PIK3R6: variants seen among roughly 807,000 people sequenced by gnomAD.
PIK3R6 encodes phosphoinositide 3-kinase regulatory subunit 6.
In PIK3R6, 91 loss-of-function variants were observed where a neutral mutation model predicts 84.9. That is an observed-to-expected ratio of 1.07 (90% CI 0.90 to 1.28). The LOEUF is 1.28. Ranked by LOEUF, PIK3R6 falls within the 50% of genes most tolerant of loss-of-function variation. The pLI, the probability that PIK3R6 is intolerant of heterozygous loss-of-function variation, is 0.00. For missense variants in PIK3R6, 996 were observed against 985.1 expected, an observed-to-expected ratio of 1.01 and a Z score of -0.15; for synonymous variants, 416 against 411.4, an observed-to-expected ratio of 1.01 and a Z score of -0.13.
At chr17:8,857,419 G>A (rs369482339) in intron 1 of PIK3R6, among the ~76,000 whole-genome samples, 14 of 152,176 alleles carry the variant, frequency 9.2e-5, no homozygotes, top group African/African-American at 1.4e-4. Context: ...TTCCCCTGAC[G>A]TCCGCATGCC....
intron 1 of PIK3R6, among the ~76,000 whole-genome samples, chr17:8,853,491 A>T (rs960963194): frequency 2.0e-5 from 3 of 147,376 alleles, no homozygotes; most frequent in African/African-American, 7.5e-5. Flanking sequence ...TCTCAAAAAA[A>T]AAAAAAAATA....
intron 18 of PIK3R6, among the ~76,000 whole-genome samples, chr17:8,810,463 T>G (rs566279538): frequency 6.7e-6 from 1 of 148,326 alleles, no homozygotes; most frequent in African/African-American, 2.5e-5. Context: ...CAGTCCCCTG[T>G]CTTAACTCAT....
intron 1 of PIK3R6, among the ~76,000 whole-genome samples, chr17:8,853,685 C>T (rs1427082765): frequency 3.3e-5 from 5 of 150,506 alleles, no homozygotes; most frequent in African/African-American, 9.8e-5. Flanking sequence ...AATTCTCAGC[C>T]AGGCACAGTG....
At position 8,803,008 on chromosome 17, in the gene PIK3R6, G is replaced by A. The variant is rs1888621557; in HGVS notation, c.*265C>T. On this transcript the variant is annotated 3_prime_UTR_variant, in exon 20 of 20. Transcript: ENST00000619866. This position sits in a 1 kb window ranked among gnomAD's most constrained non-coding sequence, Gnocchi z 5.0. ...AAGTGGGAATTGAAGCTAAATGAAG[G>A]AGTAGACATTTGTATGAGAAGCTGG... The A allele has an allele frequency of 2.2e-6, 1 of 463,322 alleles. No individual in the cohort carries two copies. The highest frequency in any genetic ancestry group is 2.4e-5 in the South Asian group (1 of 41,530). 28.7% of individuals were successfully genotyped at this position (463,322 alleles called of 1,614,324 possible).
intron 18 of PIK3R6, among the ~76,000 whole-genome samples, chr17:8,806,117 G>A (rs1387167827): frequency 6.6e-6 from 1 of 152,180 alleles, no homozygotes; most frequent in African/African-American, 2.4e-5. Flanking sequence ...GCAGGGGGCT[G>A]AAGTCCTGCA....
chr17:8,828,484 C>T, intron 11 of PIK3R6, 83 bp downstream of exon 11: 2 of 1,510,236 alleles, frequency 1.3e-6, no homozygotes, highest in South Asian at 1.2e-5. Context: ...CTCTTGCCAC[C>T]CTGTGATCCT....
chr17:8,830,251 C>T (rs905147116), intron 9 of PIK3R6, among the ~76,000 whole-genome samples: 6 of 152,196 alleles, frequency 3.9e-5, no homozygotes, highest in African/African-American at 1.2e-4. Context: ...CAGCTGTCGG[C>T]GATGCTGACG....
At chr17:8,848,411 A>T (rs1159499934) in intron 2 of PIK3R6, among the ~76,000 whole-genome samples, 9 of 151,584 alleles carry the variant, frequency 5.9e-5, no homozygotes, top group African/African-American at 2.2e-4. Context: ...GAAATATGTC[A>T]CGGGGCAATT....
chr17:8,837,961 G>C, intron 4 of PIK3R6, 90 bp from the exon 5 acceptor site: 1 of 1,159,260 alleles, frequency 8.6e-7, no homozygotes, highest in South Asian at 1.3e-5. Flanking sequence ...GTGGGCAGGA[G>C]ATGGGGTGGA....
rs1435117101 is a variant in PIK3R6, at chr17:8,844,174, C to A, written c.14-4477G>T. Among the ~76,000 whole-genome samples the A allele has an allele frequency of 6.6e-6, 1 of 152,194 alleles. No individual in the cohort carries two copies. Among genetic ancestry groups the A allele is most frequent in the African/African-American group, 2.4e-5 (1 of 41,450 alleles). On this transcript the variant is annotated intron_variant, in intron 2 of 19. Transcript: ENST00000619866. The surrounding 1 kb of genome is among the most constrained non-coding windows in gnomAD (Gnocchi z 4.5). ...CAAAGGTCTCCTGAGCCATCTTCAC[C>A]AGAGCACGAGAATGTCCCTCAAGGC...
intron 2 of PIK3R6, among the ~76,000 whole-genome samples, chr17:8,843,627 T>C (rs1054439879): frequency 1.3e-5 from 2 of 151,190 alleles, no homozygotes; most frequent in African/African-American, 2.4e-5. Flanking sequence ...TTTGGGCTTG[T>C]ATAGTGTCTT....
At chr17:8,843,111 G>A (rs900709441) in intron 2 of PIK3R6, among the ~76,000 whole-genome samples, 7 of 152,152 alleles carry the variant, frequency 4.6e-5, no homozygotes, top group African/African-American at 1.7e-4. Flanking sequence ...CTGCTGGGCA[G>A]AGCATCATCT....
chr17:8,827,761 GAGGAGAGAGAGAGAGA>G (rs1467448441), intron 12 of PIK3R6, among the ~76,000 whole-genome samples: 7 of 65,948 alleles, frequency 1.1e-4, no homozygotes, highest in South Asian at 1.2e-3. Context: ...GAGAGAGAGA[GAGGAGAGAGAGAGAGA>G]GAGAGAGAGA....
chr17:8,803,133 T>C lies in PIK3R6; in HGVS notation c.*140A>G, dbSNP rs2242375. 0.43 allele frequency: 484,134 copies of C among 1,117,060 alleles called. 109,749 individuals are homozygous for C. Among genetic ancestry groups the C allele is most frequent in the Non-Finnish European group, 0.46 (362,030 of 782,718 alleles). 69.2% of individuals were successfully genotyped at this position (1,117,060 alleles called of 1,614,324 possible). On this transcript the variant is annotated 3_prime_UTR_variant, in exon 20 of 20. Coordinates refer to ENST00000619866, the MANE Select transcript of PIK3R6 (RefSeq NM_001010855.4). The surrounding 1 kb of genome is among the most constrained non-coding windows in gnomAD (Gnocchi z 5.0). Reference sequence around the variant, plus strand: ...ATCACAGTCCCCAGGGTAGGCTCCCTGTGCTCCCAGGCACTCGCTGGCTCC... The same window carrying C: ...ATCACAGTCCCCAGGGTAGGCTCCCCGTGCTCCCAGGCACTCGCTGGCTCC...
intron 11 of PIK3R6, 90 bp from the exon 12 acceptor site, chr17:8,828,280 G>A (rs1219294069): frequency 7.5e-7 from 1 of 1,340,578 alleles, no homozygotes; most frequent in Non-Finnish European, 1.1e-6. Flanking sequence ...CTTGACCTTG[G>A]GCAATTTGTG....
At position 8,836,569 on chromosome 17, in the gene PIK3R6, C is replaced by A; in HGVS notation, c.439G>T (p.Glu147Ter). Residue 147 changes from glutamate to a stop codon, truncating the protein, a stop_gained, in exon 7 of 20, where the codon GAG (glutamate) becomes TAG (stop). Transcript: ENST00000619866. LOFTEE classifies it high-confidence loss of function. ...MVIAEQNLTNELYPYQERVFL... is the reference protein window; with the variant it reads ...MVIAEQNLTN Reference sequence around the variant, plus strand: ...CACCTCTCCTGGTAGGGATACAGCTCATTCGTCAAGTTCTGTTCGGCAATG... The same window carrying A: ...CACCTCTCCTGGTAGGGATACAGCTAATTCGTCAAGTTCTGTTCGGCAATG... 3.1e-6 allele frequency: 5 copies of A among 1,613,990 alleles called. No individual in the cohort carries two copies. The highest frequency in any genetic ancestry group is 4.2e-6 in the Non-Finnish European group (5 of 1,179,892).
intron 1 of PIK3R6, among the ~76,000 whole-genome samples, chr17:8,854,723 T>C (rs1381748547): frequency 1.3e-5 from 2 of 152,230 alleles, no homozygotes; most frequent in African/African-American, 2.4e-5. Flanking sequence ...GATTTGAATG[T>C]AAAATTCAAA....
rs1273361758 is a variant in PIK3R6 at position 8,839,181 on chromosome 17, C to G, written c.97+433G>C. ...TGGCCAACATGGTGAAACTGCATCT[C>G]TACGAAAAATACAAAAATTAGCAGG... is the stretch of plus-strand genomic sequence containing the variant. On this transcript the variant is annotated intron_variant, in intron 3 of 19. Coordinates refer to ENST00000619866, the MANE Select transcript of PIK3R6 (RefSeq NM_001010855.4). This position sits in a 1 kb window ranked among gnomAD's most constrained non-coding sequence, Gnocchi z 4.2. 6.6e-6 allele frequency among the ~76,000 whole-genome samples: 1 copy of G among 151,980 alleles called. No individual in the cohort carries two copies. Among genetic ancestry groups the G allele is most frequent in the Non-Finnish European group, 1.5e-5 (1 of 68,004 alleles).
At chr17:8,822,912 C>T (rs2087788982) in intron 15 of PIK3R6, 84 bp downstream of exon 15, 1 of 1,171,120 alleles carries the variant, frequency 8.5e-7, no homozygotes, top group Admixed American at 1.7e-5. Flanking sequence ...GGCGTGCAGG[C>T]ATCATCAGGT....
Sources: allele counts gnomAD v4.1 joint callset (sites outside exome capture counted in the v4.1 genomes callset), GRCh38; gene constraint gnomAD v4.1.1; non-coding constraint Gnocchi (gnomAD v3.1); transcripts MANE v1.5; gene names NCBI Gene and HGNC (gene_info 2026-07-23, HGNC 2026-07-21).